Variants in OXR1 observed in about 807,000 individuals in gnomAD.
OXR1 encodes oxidation resistance protein 1.
In OXR1, 41 loss-of-function variants were observed where a neutral mutation model predicts 104.6. The ratio of observed to expected loss-of-function variants is 0.39; its 90% CI spans 0.31 to 0.51. The LOEUF (loss-of-function observed/expected upper bound fraction) is 0.51, where lower values mean the gene tolerates loss of function less well. Among genes scored for constraint, OXR1 ranks in the 20% least tolerant of loss-of-function variants. The pLI, the probability that OXR1 is intolerant of heterozygous loss-of-function variation, is 0.77. For synonymous variants in OXR1, 348 were observed against 348.4 expected (o/e 1.00, Z 0.01); for missense variants, 955 against 1,031.9 (o/e 0.93, Z 1.02).
At chr8:106,429,907 T>TA (rs1299882523) in intron 2 of OXR1, among the ~76,000 whole-genome samples, 1 of 152,210 alleles carries the variant, frequency 6.6e-6, no homozygotes. Flanking sequence ...ATTTAAAACT[T>TA]ATACATGCTC....
intron 1 of OXR1, among the ~76,000 whole-genome samples, chr8:106,283,246 A>G (rs1016032917): frequency 6.6e-6 from 1 of 152,238 alleles, no homozygotes; most frequent in Non-Finnish European, 1.5e-5. Context: ...TATGTGGAGC[A>G]ACGCAGTCTT....
At chr8:106,631,447 G>A (rs1267218410) in intron 3 of OXR1, among the ~76,000 whole-genome samples, 2 of 152,098 alleles carry the variant, frequency 1.3e-5, no homozygotes, top group Admixed American at 6.5e-5. Context: ...AAAGCCTTTA[G>A]AAATATTCAC....
At chr8:106,672,556 G>T (rs908340732) in intron 3 of OXR1, among the ~76,000 whole-genome samples, 33 of 151,510 alleles carry the variant, frequency 2.2e-4, no homozygotes, top group Non-Finnish European at 4.1e-4. Context: ...AAGAAAGAGA[G>T]AAAGGAAGGA....
intron 3 of OXR1, among the ~76,000 whole-genome samples, chr8:106,560,768 A>G (rs543126195): frequency 2.6e-5 from 4 of 151,972 alleles, no homozygotes; most frequent in Non-Finnish European, 5.9e-5. Flanking sequence ...AGCAAGACCA[A>G]TGCAGAAGGT....
chr8:106,692,364 T>A (rs981014462), intron 6 of OXR1, among the ~76,000 whole-genome samples: 2 of 152,074 alleles, frequency 1.3e-5, no homozygotes, highest in East Asian at 1.9e-4. Context: ...AGTCAGTGGT[T>A]TAATTCAGGA....
chr8:106,723,265 G>A (rs896351917), intron 11 of OXR1, among the ~76,000 whole-genome samples: 1 of 152,078 alleles, frequency 6.6e-6, no homozygotes, highest in Non-Finnish European at 1.5e-5. Flanking sequence ...GCCGAGGCAG[G>A]TGGATCATGA....
chr8:106,494,499 G>A (rs1335941175), intron 2 of OXR1, among the ~76,000 whole-genome samples: 1 of 152,116 alleles, frequency 6.6e-6, no homozygotes, highest in African/African-American at 2.4e-5. Flanking sequence ...CTGAAGACAG[G>A]TGTCTGTAAG....
At chr8:106,499,323 A>G (rs1338105150) in intron 2 of OXR1, among the ~76,000 whole-genome samples, 4 of 152,144 alleles carry the variant, frequency 2.6e-5, no homozygotes, top group African/African-American at 7.2e-5. Flanking sequence ...CTTATGAAAA[A>G]TGTTATTTCT....
chr8:106,280,511 C>T (rs1812235352), intron 1 of OXR1, among the ~76,000 whole-genome samples: 1 of 152,108 alleles, frequency 6.6e-6, no homozygotes. Context: ...ATGGCTTTCT[C>T]TTCTGTGTCT....
intron 1 of OXR1, among the ~76,000 whole-genome samples, chr8:106,276,753 C>CAAAA (rs56303147): frequency 1.5e-4 from 12 of 77,738 alleles, no homozygotes; most frequent in African/African-American, 5.9e-4. Flanking sequence ...CTGTTAGAGG[C>CAAAA]AAAAAAAAAA....
intron 1 of OXR1, among the ~76,000 whole-genome samples, chr8:106,323,207 A>T (rs1586522131): frequency 6.6e-6 from 1 of 152,286 alleles, no homozygotes; most frequent in Non-Finnish European, 1.5e-5. Context: ...AGTGGAACAG[A>T]GTAGAGAGCC....
At position 106,624,303 on chromosome 8, in the gene OXR1, G is replaced by A. The variant is rs1821969202; in HGVS notation, c.221-54907G>A. 2.0e-5 allele frequency among the ~76,000 whole-genome samples: 3 copies of A among 152,180 alleles called. No individual in the cohort carries two copies. The South Asian group carries it at 6.2e-4, about 31-fold the overall frequency. ...GGAGTAAGATATTTAGATAACAAAT[G>A]TTAAGAAGAAAATAATAGAGTAATG... On this transcript the variant is annotated intron_variant, in intron 3 of 16. Transcript: ENST00000517566.
chr8:106,513,940 A>C (rs1459889398), intron 2 of OXR1, among the ~76,000 whole-genome samples: 1 of 152,120 alleles, frequency 6.6e-6, no homozygotes, highest in Non-Finnish European at 1.5e-5. Context: ...TGTGCAGAGG[A>C]ATAAGATTGT....
At chr8:106,335,100 A>G (rs1211448552) in intron 1 of OXR1, among the ~76,000 whole-genome samples, 1 of 150,318 alleles carries the variant, frequency 6.7e-6, no homozygotes, top group Non-Finnish European at 1.5e-5. Flanking sequence ...CTTCACAAAC[A>G]TGCCATTCTC....
chr8:106,610,582 C>T (rs1240107513), intron 3 of OXR1, among the ~76,000 whole-genome samples: 1 of 152,174 alleles, frequency 6.6e-6, no homozygotes, highest in Admixed American at 6.5e-5. Flanking sequence ...TCGTACCATG[C>T]CACAGTCTCA....
chr8:106,273,757 A>G (rs1348927904), intron 1 of OXR1, among the ~76,000 whole-genome samples: 1 of 152,224 alleles, frequency 6.6e-6, no homozygotes, highest in Non-Finnish European at 1.5e-5. Flanking sequence ...GAAATTAAAG[A>G]GGCTTCCTTT....
chr8:106,444,873 A>G (rs1352753038), intron 2 of OXR1, among the ~76,000 whole-genome samples: 1 of 152,190 alleles, frequency 6.6e-6, no homozygotes, highest in African/African-American at 2.4e-5. Flanking sequence ...TAGAAAATGT[A>G]TATGTACACA....
intron 3 of OXR1, among the ~76,000 whole-genome samples, chr8:106,613,357 A>C (rs1820955689): frequency 6.6e-6 from 1 of 152,206 alleles, no homozygotes; most frequent in Non-Finnish European, 1.5e-5. Context: ...AACTTATGGG[A>C]ATTTTGTGAT....
chr8:106,657,433 C>T (rs370147427), intron 3 of OXR1: 2 of 152,548 alleles, frequency 1.3e-5, no homozygotes, highest in African/African-American at 4.8e-5. Flanking sequence ...TTTCAGACCC[C>T]TCCTAGGCTC....
Sources: allele counts gnomAD v4.1 joint callset (sites outside exome capture counted in the v4.1 genomes callset), GRCh38; gene constraint gnomAD v4.1.1; transcripts MANE v1.5; gene names NCBI Gene and HGNC (gene_info 2026-07-23, HGNC 2026-07-21).